NBEA: variants seen among roughly 807,000 people sequenced by gnomAD.
The protein encoded by NBEA is lysosomal-trafficking regulator 2.
In NBEA, 44 loss-of-function variants were observed where a neutral mutation model predicts 343.4. The ratio of observed to expected loss-of-function variants is 0.13; its 90% CI spans 0.10 to 0.16. The LOEUF is 0.16. NBEA is among the 10% of genes least tolerant of loss of function. The pLI is 1.00. For synonymous variants in NBEA, 1,175 were observed against 1,238.7 expected (o/e 0.95, Z 1.08); for missense variants, 2,555 against 3,631.3 (o/e 0.70, Z 7.62).
intron 34 of NBEA, among the ~76,000 whole-genome samples, chr13:35,233,566 G>T (rs2075082832): frequency 6.6e-6 from 1 of 151,966 alleles, no homozygotes; most frequent in African/African-American, 2.4e-5. Flanking sequence ...AGCACTTTAG[G>T]GTTCTTGTGA....
At chr13:35,168,944 G>A (rs1012165578) in intron 24 of NBEA, 43 bp from the exon 25 acceptor site, 2 of 1,317,890 alleles carry the variant, frequency 1.5e-6, no homozygotes, top group African/African-American at 1.5e-5. Context: ...TCCTTTTCTT[G>A]TACTTTTTGG....
rs774124949 is a variant in NBEA, at chr13:34,942,983, A to G, written c.163A>G (p.Met55Val). Residue 55 changes from methionine to valine, a missense_variant, in exon 1 of 59, where the codon ATG (methionine) becomes GTG (valine). By Grantham distance (21) the Met-to-Val change is conservative (BLOSUM62 1). This residue lies in a region of NBEA where 122 missense variants were observed against 91.0 expected (regional missense o/e 1.34). Transcript: ENST00000379939. Reference protein sequence around the residue: ...LRGASGSGSVMLPAGMINPSV... With the variant: ...LRGASGSGSVVLPAGMINPSV... Reference sequence around the variant, plus strand: ...GGGGGCGTCCGGCTCCGGCTCGGTGATGCTCCCCGCGGGGATGATTAACCC... The same window carrying G: ...GGGGGCGTCCGGCTCCGGCTCGGTGGTGCTCCCCGCGGGGATGATTAACCC... 1.2e-6 allele frequency: 2 copies of G among 1,608,060 alleles called. No homozygotes were observed. The highest frequency in any genetic ancestry group is 2.7e-5 in the African/African-American group (2 of 74,202).
chr13:34,942,378 T>C lies in NBEA; in HGVS notation c.-443T>C, dbSNP rs376880515. 5.4e-4 allele frequency: 83 copies of C among 153,630 alleles called. No homozygotes were observed. The highest frequency in any genetic ancestry group is 4.3e-3 in the East Asian group (22 of 5,114). 9.5% of individuals were successfully genotyped at this position (153,630 alleles called of 1,614,324 possible). A position where few individuals can be genotyped will look rare whatever the true frequency, so the allele number is the denominator to read the frequency against. On this transcript the variant is annotated 5_prime_UTR_variant, in exon 1 of 59. Transcript: ENST00000379939. ...GTAGCAGCGGCGGCAGCAGCGTCAATAGCATCGGCCACAGCCTGAGCTTCA... is the reference window on the plus strand; with the variant it reads ...GTAGCAGCGGCGGCAGCAGCGTCAACAGCATCGGCCACAGCCTGAGCTTCA...
At chr13:35,309,988 G>T (rs554526306) in intron 36 of NBEA, among the ~76,000 whole-genome samples, 1 of 152,118 alleles carries the variant, frequency 6.6e-6, no homozygotes, top group South Asian at 2.1e-4. Context: ...AACATGTCAT[G>T]CATTCAATGT....
At chr13:35,001,087 T>C (rs547497022) in intron 1 of NBEA, among the ~76,000 whole-genome samples, 18 of 152,172 alleles carry the variant, frequency 1.2e-4, no homozygotes, top group African/African-American at 4.1e-4. Flanking sequence ...TAGGTGCTTG[T>C]CAATGTGTCT....
chr13:35,427,061 C>G lies in NBEA; in HGVS notation c.6180-5208C>G, dbSNP rs2044728785. On this transcript the variant is annotated intron_variant, in intron 38 of 58. Transcript: ENST00000379939. ...AATTTTTTTTCAAAGTCTTTAACTT[C>G]TTTGCTATTGGTTAGAACTTCCTCC... Among the ~76,000 whole-genome samples the G allele has an allele frequency of 5.3e-5, 8 of 152,046 alleles. 1 individual carries two copies. The highest frequency in any genetic ancestry group is 4.6e-4 in the Admixed American group (7 of 15,252).
At position 35,649,866 on chromosome 13, in the gene NBEA, A is replaced by G; in HGVS notation, c.7963+19A>G. 2 of 1,605,690 alleles carry G rather than the reference A, an allele frequency of 1.2e-6. No homozygotes were observed. The highest frequency in any genetic ancestry group is 2.2e-5 in the South Asian group (2 of 89,420). ...ACAGTAGGTATGTGTGCCTGAGCAAATCACTTACTAAAGATTTCTTAAAAG... is the reference window on the plus strand; with the variant it reads ...ACAGTAGGTATGTGTGCCTGAGCAAGTCACTTACTAAAGATTTCTTAAAAG... On this transcript the variant is annotated intron_variant, in intron 52 of 58. Coordinates refer to ENST00000379939, the MANE Select transcript of NBEA (RefSeq NM_001385012.1).
chr13:35,461,223 T>C (rs138953685), intron 40 of NBEA, among the ~76,000 whole-genome samples: 2 of 152,284 alleles, frequency 1.3e-5, no homozygotes, highest in African/African-American at 4.8e-5. Context: ...TCATATATAA[T>C]TTGCATTTTT....
chr13:35,253,979 G>A (rs2032284476), intron 34 of NBEA, among the ~76,000 whole-genome samples: 1 of 151,684 alleles, frequency 6.6e-6, no homozygotes. Context: ...TATTTAGTCA[G>A]GGACATTTTG....
intron 35 of NBEA, among the ~76,000 whole-genome samples, chr13:35,308,395 C>G (rs2037041864): frequency 7.2e-6 from 1 of 139,794 alleles, no homozygotes; most frequent in Non-Finnish European, 1.5e-5. Flanking sequence ...GTTATAGAAC[C>G]ATTGGAAGGG....
At chr13:35,564,053 A>C (rs1438388022) in intron 44 of NBEA, among the ~76,000 whole-genome samples, 2 of 152,116 alleles carry the variant, frequency 1.3e-5, no homozygotes, top group East Asian at 1.9e-4. Context: ...ACCCTCAAGC[A>C]GTATCCTTTT....
intron 10 of NBEA, among the ~76,000 whole-genome samples, chr13:35,072,351 G>A (rs2063908630): frequency 1.3e-5 from 2 of 151,898 alleles, no homozygotes; most frequent in Admixed American, 1.3e-4. Flanking sequence ...ACTTTTTACT[G>A]TCTTTCTTCA....
At chr13:34,997,072 T>G (rs146890584) in intron 1 of NBEA, among the ~76,000 whole-genome samples, 106 of 152,272 alleles carry the variant, frequency 7.0e-4, no homozygotes, top group African/African-American at 2.5e-3. Flanking sequence ...CAACATTTAA[T>G]TTTTAAAATT....
chr13:35,138,094 G>C (rs1017643956), intron 17 of NBEA, among the ~76,000 whole-genome samples: 2 of 152,060 alleles, frequency 1.3e-5, no homozygotes, highest in Non-Finnish European at 2.9e-5. Context: ...GGAAGTTCTT[G>C]GAAGTAGTAT....
intron 45 of NBEA, among the ~76,000 whole-genome samples, chr13:35,575,622 C>T (rs192621556): frequency 4.0e-4 from 61 of 152,224 alleles, no homozygotes; most frequent in Middle Eastern, 6.8e-3. Context: ...ATATATCATA[C>T]TTTACCCCTA....
chr13:35,519,222 G>C (rs2077599432), intron 41 of NBEA, among the ~76,000 whole-genome samples: 1 of 152,064 alleles, frequency 6.6e-6, no homozygotes, highest in South Asian at 2.1e-4. Flanking sequence ...TTGGGGAAAA[G>C]TAAAAATTTT....
intron 39 of NBEA, among the ~76,000 whole-genome samples, chr13:35,451,368 C>T (rs2046304657): frequency 6.6e-6 from 1 of 152,170 alleles, no homozygotes; most frequent in African/African-American, 2.4e-5. Flanking sequence ...GTGATCCGCC[C>T]ACCTCGGCCT....
At chr13:35,398,855 GC>G (rs2042868888) in intron 38 of NBEA, among the ~76,000 whole-genome samples, 1 of 152,062 alleles carries the variant, frequency 6.6e-6, no homozygotes, top group Admixed American at 6.6e-5. Context: ...GAGTTAGCAT[GC>G]CCTTTGAAGC....
At chr13:35,520,995 A>G (rs1040873385) in intron 41 of NBEA, among the ~76,000 whole-genome samples, 1 of 152,032 alleles carries the variant, frequency 6.6e-6, no homozygotes, top group Non-Finnish European at 1.5e-5. Flanking sequence ...AATTCCACTC[A>G]AGCTTTTGTT....
Sources: gnomAD v4.1 joint callset for allele counts (sites outside exome capture counted in the v4.1 genomes callset) on GRCh38, gnomAD v4.1.1 for gene constraint, gnomAD v4.1.1 regional missense constraint, MANE v1.5 for transcripts, NCBI Gene and HGNC (gene_info 2026-07-23, HGNC 2026-07-21) for gene names.